The following CSNK1G3 variants were observed in gnomAD, a reference collection of about 807,000 sequenced individuals.
CSNK1G3 encodes the protein casein kinase 1 gamma 3, also known as casein kinase I isoform gamma-3.
In CSNK1G3, 23 loss-of-function variants were observed where a neutral mutation model predicts 64.3. The observed-to-expected ratio is 0.36, with a 90% CI of 0.26 to 0.51. The LOEUF (loss-of-function observed/expected upper bound fraction) is 0.51, where lower values mean the gene tolerates loss of function less well. Ranked by LOEUF, CSNK1G3 falls within the 20% of genes least tolerant of loss-of-function variation. The probability of loss-of-function intolerance (pLI) is 0.96; values close to 1 mark genes in which losing one functional copy is unlikely to be tolerated. For synonymous variants in CSNK1G3, 158 were observed against 162.2 expected (o/e 0.97, Z 0.20); for missense variants, 357 against 510.5 (o/e 0.70, Z 2.90).
chr5:123,569,837 A>G (rs186012514), intron 4 of CSNK1G3, among the ~76,000 whole-genome samples: 27 of 152,324 alleles, frequency 1.8e-4, no homozygotes, highest in African/African-American at 6.3e-4. Context: ...AAAGCATTCA[A>G]TCTTTCACCA....
intron 12 of CSNK1G3, among the ~76,000 whole-genome samples, chr5:123,610,846 C>A (rs1581460058): frequency 6.6e-6 from 1 of 152,050 alleles, no homozygotes; most frequent in South Asian, 2.1e-4. Context: ...ACCAGCTCGG[C>A]GCCTGTAGTC....
intron 6 of CSNK1G3, among the ~76,000 whole-genome samples, chr5:123,582,752 A>G (rs549315743): frequency 1.6e-4 from 24 of 152,262 alleles, no homozygotes; most frequent in Non-Finnish European, 2.2e-4. Context: ...TAGGGGCCAG[A>G]TTACTGTTGG....
At chr5:123,610,159 G>C (rs1185588792) in intron 12 of CSNK1G3, among the ~76,000 whole-genome samples, 3 of 152,138 alleles carry the variant, frequency 2.0e-5, no homozygotes, top group Non-Finnish European at 4.4e-5. Context: ...TTTTGTAGAT[G>C]ATCTTGTTCT....
At chr5:123,601,324 A>G (rs773139985) in intron 10 of CSNK1G3, among the ~76,000 whole-genome samples, 1 of 152,208 alleles carries the variant, frequency 6.6e-6, no homozygotes, top group South Asian at 2.1e-4. Flanking sequence ...ATGCCATGAT[A>G]CACTCTCAAG....
rs550763472 is a variant in CSNK1G3 at position 123,568,835 on chromosome 5, A to G, written c.290-4558A>G. Among the ~76,000 whole-genome samples the G allele has an allele frequency of 5.9e-5, 9 of 152,320 alleles. No individual in the cohort carries two copies. The South Asian group carries it at 1.7e-3, about 28-fold the overall frequency. On this transcript the variant is annotated intron_variant, in intron 4 of 12. Transcript: ENST00000345990. Reference sequence around the variant, plus strand: ...CCCATTTTTGAACTCGAATAAGAAAATCACTCAAATTTGCTTTTTGTCTAA... The same window carrying G: ...CCCATTTTTGAACTCGAATAAGAAAGTCACTCAAATTTGCTTTTTGTCTAA...
At chr5:123,553,874 T>A (rs569463220) in intron 3 of CSNK1G3, among the ~76,000 whole-genome samples, 79 of 152,340 alleles carry the variant, frequency 5.2e-4, no homozygotes, top group Non-Finnish European at 9.1e-4. Context: ...GATTTGGAAC[T>A]TTTTCATACC....
chr5:123,589,709 CTGTT>C (rs545168874), intron 8 of CSNK1G3, among the ~76,000 whole-genome samples: 32 of 151,776 alleles, frequency 2.1e-4, no homozygotes, highest in Non-Finnish European at 3.4e-4. Flanking sequence ...ATTTGTTTGT[CTGTT>C]TGTTTGTTTT....
At chr5:123,528,403 T>C (rs931758911) in intron 1 of CSNK1G3, among the ~76,000 whole-genome samples, 4 of 152,194 alleles carry the variant, frequency 2.6e-5, no homozygotes, top group African/African-American at 9.6e-5. Context: ...TATTCACTTA[T>C]TTATTTAAGG....
chr5:123,566,898 G>T (rs997726217), intron 4 of CSNK1G3, among the ~76,000 whole-genome samples: 2 of 152,096 alleles, frequency 1.3e-5, no homozygotes, highest in African/African-American at 4.8e-5. Context: ...TTAGCTTTCT[G>T]CTTTTTTCTT....
chr5:123,557,061 A>G (rs1784783877), intron 3 of CSNK1G3, among the ~76,000 whole-genome samples: 1 of 152,092 alleles, frequency 6.6e-6, no homozygotes, highest in South Asian at 2.1e-4. Flanking sequence ...AAATTAAGAC[A>G]TTGTTGCTAC....
chr5:123,513,195 G>C (rs766005884), intron 1 of CSNK1G3, among the ~76,000 whole-genome samples: 4 of 152,178 alleles, frequency 2.6e-5, no homozygotes, highest in Non-Finnish European at 5.9e-5. Flanking sequence ...AAATCACTCT[G>C]ATGGTTACTC....
intron 1 of CSNK1G3, among the ~76,000 whole-genome samples, chr5:123,533,594 TA>T (rs1780307115): frequency 1.3e-5 from 2 of 151,672 alleles, no homozygotes; most frequent in South Asian, 4.1e-4. Context: ...TTTTTTTCTT[TA>T]TTTTTTAATG....
Position 123,583,296 on chromosome 5 carries a change from T to C in CSNK1G3, c.674-4772T>C, listed in dbSNP as rs567575948. Among the ~76,000 whole-genome samples, 6 of 135,632 alleles carry C rather than the reference T, an allele frequency of 4.4e-5. No individual in the cohort carries two copies. In the South Asian group the frequency reaches 1.2e-3, roughly 27 times the overall value. The allele number at this position is 135,632 out of a possible 152,430, so 89.0% of individuals were successfully genotyped here. A position where few individuals can be genotyped will look rare whatever the true frequency, so the allele number is the denominator to read the frequency against. The stretch of plus-strand genomic sequence containing the variant: ...TTACATATTTCCTGTTTTTTAATGC[T>C]GTTGTAAAGGTATTGGTTTTAAAAT... On this transcript the variant is annotated intron_variant, in intron 6 of 12. Transcript: ENST00000345990.
intron 1 of CSNK1G3, among the ~76,000 whole-genome samples, chr5:123,536,979 C>T (rs1314679921): frequency 6.6e-6 from 1 of 152,146 alleles, no homozygotes; most frequent in Non-Finnish European, 1.5e-5. Context: ...CTCCTATACA[C>T]TGTTGGTGGG....
intron 1 of CSNK1G3, among the ~76,000 whole-genome samples, chr5:123,516,384 G>A (rs1012703269): frequency 2.0e-5 from 3 of 152,162 alleles, no homozygotes; most frequent in African/African-American, 7.2e-5. Flanking sequence ...GATAAATGTA[G>A]AAATATATAA....
At chr5:123,614,263 A>G (rs1325075188) in intron 12 of CSNK1G3, 79 bp from the exon 14 acceptor site, 22 of 1,404,076 alleles carry the variant, frequency 1.6e-5, no homozygotes, top group Non-Finnish European at 2.0e-5. Flanking sequence ...TTTTATGATC[A>G]TTTAAGTTAA....
At chr5:123,545,029 T>C (rs150690937) in intron 1 of CSNK1G3, among the ~76,000 whole-genome samples, 1,798 of 152,270 alleles carry the variant, frequency 0.012, 41 homozygotes, top group African/African-American at 0.04. Context: ...TAAGGTATTT[T>C]ATTTTTATAA....
chr5:123,597,919 A>G (rs1416597870), intron 10 of CSNK1G3, among the ~76,000 whole-genome samples: 1 of 152,144 alleles, frequency 6.6e-6, no homozygotes, highest in Non-Finnish European at 1.5e-5. Flanking sequence ...AGTAGAATCT[A>G]TTGTTTTTGC....
chr5:123,585,182 T>C (rs1033845687), intron 6 of CSNK1G3, among the ~76,000 whole-genome samples: 2 of 152,152 alleles, frequency 1.3e-5, no homozygotes, highest in African/African-American at 4.8e-5. Context: ...CGATTGATTT[T>C]TGAGAATGGT....
Sources: gnomAD v4.1 joint callset for allele counts (sites outside exome capture counted in the v4.1 genomes callset) on GRCh38, gnomAD v4.1.1 for gene constraint, MANE v1.5 for transcripts, NCBI Gene and HGNC (gene_info 2026-07-23, HGNC 2026-07-21) for gene names.